The following GRIN2A variants were observed in gnomAD, a reference collection of about 807,000 sequenced individuals.
GRIN2A encodes glutamate receptor ionotropic, NMDA 2A.
In GRIN2A, 22 loss-of-function variants were observed where a neutral mutation model predicts 113.4. The observed-to-expected ratio is 0.19, with a 90% CI of 0.14 to 0.28. GRIN2A has a LOEUF of 0.28. Among genes scored for constraint, GRIN2A ranks in the 10% least tolerant of loss-of-function variants. GRIN2A has a pLI of 1.00. For synonymous variants in GRIN2A, 827 were observed against 738.4 expected (o/e 1.12, Z -1.94); for missense variants, 1,502 against 1,887.0 (o/e 0.80, Z 3.78).
intron 2 of GRIN2A, among the ~76,000 whole-genome samples, chr16:10,114,335 T>C (rs1454887638): frequency 1.3e-5 from 2 of 151,026 alleles, no homozygotes; most frequent in Admixed American, 1.3e-4. Flanking sequence ...CAAGAGAGAG[T>C]TGAAGAGGTT....
intron 10 of GRIN2A, 108 bp from the exon 11 acceptor site, chr16:9,798,572 T>C (rs1457470303): frequency 2.6e-6 from 2 of 768,632 alleles, no homozygotes; most frequent in Non-Finnish European, 4.5e-6. Flanking sequence ...TTCATGCTGG[T>C]GATGATGACT....
At position 9,829,404 on chromosome 16, in the gene GRIN2A, G is replaced by A. The variant is rs375024250; in HGVS notation, c.2007+19C>T. On this transcript the variant is annotated intron_variant, in intron 9 of 12. Coordinates refer to ENST00000330684, the MANE Select transcript of GRIN2A (RefSeq NM_001134407.3). ...TTAAGACCAACCCTCAGATGGAGAG[G>A]AAAGCAAGGTGACCTTACCTTTTTG... The A allele has an allele frequency of 1.3e-6, 2 of 1,543,290 alleles. No individual in the cohort carries two copies. Among genetic ancestry groups the A allele is most frequent in the Non-Finnish European group, 1.8e-6 (2 of 1,116,192 alleles).
At chr16:10,072,164 T>A (rs977966857) in intron 2 of GRIN2A, among the ~76,000 whole-genome samples, 10 of 152,210 alleles carry the variant, frequency 6.6e-5, no homozygotes, top group Non-Finnish European at 1.3e-4. Context: ...TGAGCAAAGA[T>A]GTCTCAAGTG....
intron 2 of GRIN2A, among the ~76,000 whole-genome samples, chr16:10,045,930 A>G (rs2047249858): frequency 6.6e-6 from 1 of 152,190 alleles, no homozygotes. Context: ...TGTCCTGTAC[A>G]TTGTAAGATA....
intron 2 of GRIN2A, among the ~76,000 whole-genome samples, chr16:10,060,423 A>G (rs1056683440): frequency 3.3e-5 from 5 of 152,228 alleles, no homozygotes; most frequent in Non-Finnish European, 7.3e-5. Context: ...AGCAAGATTC[A>G]GAAACCTACT....
intron 2 of GRIN2A, among the ~76,000 whole-genome samples, chr16:9,964,583 G>A (rs1567204113): frequency 1.3e-5 from 2 of 152,140 alleles, no homozygotes; most frequent in Non-Finnish European, 1.5e-5. Flanking sequence ...GGCCGTAGGG[G>A]AGAATCCACT....
At chr16:10,104,492 A>T (rs2048456969) in intron 2 of GRIN2A, among the ~76,000 whole-genome samples, 1 of 152,230 alleles carries the variant, frequency 6.6e-6, no homozygotes, top group African/African-American at 2.4e-5. Context: ...TGTAAGTTAC[A>T]TTCATTCCCC....
At chr16:9,807,421 CAGAGAG>C (rs1392140146) in intron 10 of GRIN2A, among the ~76,000 whole-genome samples, 1 of 123,758 alleles carries the variant, frequency 8.1e-6, no homozygotes, top group African/African-American at 3.2e-5. Flanking sequence ...AAAGGAGAGA[CAGAGAG>C]AAAGAGAGAC....
intron 4 of GRIN2A, among the ~76,000 whole-genome samples, chr16:9,864,758 GA>G (rs918239376): frequency 6.6e-6 from 1 of 152,210 alleles, no homozygotes; most frequent in African/African-American, 2.4e-5. Context: ...CCTCGCCTGT[GA>G]AAAGTTATTG....
At chr16:10,179,150 C>CA (rs1300889352) in intron 2 of GRIN2A, among the ~76,000 whole-genome samples, 3 of 152,106 alleles carry the variant, frequency 2.0e-5, no homozygotes, top group African/African-American at 4.8e-5. Context: ...AGGCTGTCCA[C>CA]AAAAAAGACC....
At chr16:9,924,428 C>T (rs187572042) in intron 3 of GRIN2A, among the ~76,000 whole-genome samples, 21 of 152,288 alleles carry the variant, frequency 1.4e-4, no homozygotes, top group African/African-American at 3.4e-4. Flanking sequence ...TTGTTTCCGA[C>T]GAGAAGTCGG....
chr16:9,843,433 G>A (rs1054101965), intron 5 of GRIN2A, among the ~76,000 whole-genome samples: 7 of 152,172 alleles, frequency 4.6e-5, no homozygotes, highest in East Asian at 1.9e-4. Context: ...GGCCTCAAGT[G>A]ATACTCCCAC....
intron 2 of GRIN2A, among the ~76,000 whole-genome samples, chr16:10,173,893 C>G (rs1055241069): frequency 2.0e-5 from 3 of 152,200 alleles, no homozygotes; most frequent in African/African-American, 7.2e-5. Flanking sequence ...AGTGAACACA[C>G]TCAGTAACCT....
At chr16:9,901,200 T>C (rs9925243) in intron 3 of GRIN2A, among the ~76,000 whole-genome samples, 49,114 of 152,104 alleles carry the variant, frequency 0.32, 9,946 homozygotes, top group African/African-American at 0.58. Flanking sequence ...AATGCAAATT[T>C]GTGGAATGAA....
At chr16:9,841,177 TCTC>T in intron 5 of GRIN2A, 73 bp from the exon 6 acceptor site, 16 of 1,291,276 alleles carry the variant, frequency 1.2e-5, no homozygotes, top group East Asian at 2.3e-5. Context: ...GCTGTACTCT[TCTC>T]CTATTTTTCA....
intron 2 of GRIN2A, among the ~76,000 whole-genome samples, chr16:10,119,927 G>A (rs1452373664): frequency 2.0e-5 from 3 of 152,124 alleles, no homozygotes; most frequent in Non-Finnish European, 2.9e-5. Flanking sequence ...TTCTTTTTAT[G>A]GCTATGTAGT....
At chr16:9,796,802 A>G (rs1290094291) in intron 11 of GRIN2A, among the ~76,000 whole-genome samples, 1 of 152,164 alleles carries the variant, frequency 6.6e-6, no homozygotes, top group Non-Finnish European at 1.5e-5. Flanking sequence ...AACCTGCACT[A>G]CCATGAGGAA....
chr16:10,049,580 T>C (rs1352586475), intron 2 of GRIN2A, among the ~76,000 whole-genome samples: 1 of 152,196 alleles, frequency 6.6e-6, no homozygotes, highest in Non-Finnish European at 1.5e-5. Context: ...GGTTTCACCA[T>C]GTTGCCCAGG....
At chr16:9,997,222 G>C (rs1193960790) in intron 2 of GRIN2A, among the ~76,000 whole-genome samples, 1 of 152,186 alleles carries the variant, frequency 6.6e-6, no homozygotes, top group East Asian at 1.9e-4. Context: ...TAGTGTTGGA[G>C]ATGCTATAAT....
Sources: allele counts gnomAD v4.1 joint callset (sites outside exome capture counted in the v4.1 genomes callset), GRCh38; gene constraint gnomAD v4.1.1; transcripts MANE v1.5; gene names NCBI Gene and HGNC (gene_info 2026-07-23, HGNC 2026-07-21).